Variants in PMEPA1 observed in about 807,000 individuals in gnomAD.
The protein encoded by PMEPA1 is prostate transmembrane protein, androgen induced 1.
PMEPA1 carries 11 observed loss-of-function variants against 23.0 expected under a neutral mutation model. The observed-to-expected ratio is 0.48, with a 90% CI of 0.30 to 0.79. The LOEUF (loss-of-function observed/expected upper bound fraction) is 0.79. Ranked by LOEUF, PMEPA1 falls within the 30% of genes least tolerant of loss-of-function variation. The pLI is 0.06. For synonymous variants in PMEPA1, 204 were observed against 166.4 expected, an observed-to-expected ratio of 1.23 and a Z score of -1.74; for missense variants, 377 against 390.9, an observed-to-expected ratio of 0.96 and a Z score of 0.30.
At chr20:57,703,822 C>T (rs1399694320) in intron 1 of PMEPA1, among the ~76,000 whole-genome samples, 1 of 152,150 alleles carries the variant, frequency 6.6e-6, no homozygotes, top group Admixed American at 6.5e-5. Flanking sequence ...CCAATCCGCC[C>T]CACCATCATC....
chr20:57,659,501 T>C, intron 2 of PMEPA1, 42 bp downstream of exon 2: 1 of 1,598,780 alleles, frequency 6.3e-7, no homozygotes, highest in Non-Finnish European at 8.6e-7. Context: ...GGCGTCCCAC[T>C]GCCGCACCCT....
Position 57,709,864 on chromosome 20 carries a change from G to C in PMEPA1, c.-282C>G. ...GGAAAATGGGCTGGCAGCGGGGCGCGCGCTGCCGCCGGGGCTGAGCCTCTG... is the reference window on the plus strand; with the variant it reads ...GGAAAATGGGCTGGCAGCGGGGCGCCCGCTGCCGCCGGGGCTGAGCCTCTG... On this transcript the variant is annotated 5_prime_UTR_variant, in exon 1 of 4. Transcript: ENST00000341744. 3.0e-6 allele frequency: 3 copies of C among 992,022 alleles called. No homozygotes were observed. Among genetic ancestry groups the C allele is most frequent in the Non-Finnish European group, 1.2e-6 (1 of 835,414 alleles). The allele number at this position is 992,022 out of a possible 1,614,324, so 61.5% of individuals were successfully genotyped here. A position where few individuals can be genotyped will look rare whatever the true frequency, so the allele number is the denominator to read the frequency against.
intron 1 of PMEPA1, among the ~76,000 whole-genome samples, chr20:57,705,664 G>A (rs1373572002): frequency 6.6e-6 from 1 of 152,210 alleles, no homozygotes; most frequent in Non-Finnish European, 1.5e-5. Context: ...AGGGACGAAC[G>A]TCTGACGGGA....
intron 1 of PMEPA1, among the ~76,000 whole-genome samples, chr20:57,677,303 C>A (rs1014981420): frequency 6.6e-6 from 1 of 152,126 alleles, no homozygotes; most frequent in Non-Finnish European, 1.5e-5. Context: ...GTTTGAGGAT[C>A]GTAAAGAACC....
chr20:57,676,401 G>C (rs2071636737), intron 1 of PMEPA1, among the ~76,000 whole-genome samples: 1 of 152,240 alleles, frequency 6.6e-6, no homozygotes, highest in Non-Finnish European at 1.5e-5. Flanking sequence ...ACATGGCAAA[G>C]CAGGCATCAT....
chr20:57,692,256 G>A (rs1355157072), intron 1 of PMEPA1, among the ~76,000 whole-genome samples: 8 of 152,218 alleles, frequency 5.3e-5, no homozygotes, highest in East Asian at 1.9e-4. Flanking sequence ...TAGAGGAGAC[G>A]CAACCCCGAG....
At chr20:57,711,335 C>T (rs2072178109), upstream of PMEPA1, 1 of 152,174 alleles carries the variant, frequency 6.6e-6, no homozygotes, top group Non-Finnish European at 1.5e-5. Flanking sequence ...TAGACCAGAG[C>T]GAATTCATCC....
chr20:57,671,049 G>C (rs2071561503), intron 1 of PMEPA1, among the ~76,000 whole-genome samples: 1 of 152,178 alleles, frequency 6.6e-6, no homozygotes, highest in Non-Finnish European at 1.5e-5. Flanking sequence ...AATCATTTTA[G>C]AACCTGATGA....
chr20:57,672,081 TA>T lies in PMEPA1; in HGVS notation c.110-12385del, dbSNP rs200993099. Reference sequence around the variant, plus strand: ...TTAAATTGTTCATGATGACTTCTTCTAGATGAAGGGGCTATCCCTTTTACTT... The same window carrying T: ...TTAAATTGTTCATGATGACTTCTTCTGATGAAGGGGCTATCCCTTTTACTT... On this transcript the variant is annotated intron_variant, in intron 1 of 3. Transcript: ENST00000341744. Among the ~76,000 whole-genome samples, 599 of 152,400 alleles carry T rather than the reference TA, an allele frequency of 3.9e-3. 3 individuals are homozygous for T. Among genetic ancestry groups the T allele is most frequent in the African/African-American group, 0.014 (585 of 41,600 alleles).
intron 1 of PMEPA1, among the ~76,000 whole-genome samples, chr20:57,684,276 C>T (rs779207171): frequency 7.0e-6 from 1 of 141,852 alleles, no homozygotes; most frequent in African/African-American, 2.6e-5. Flanking sequence ...GGGTGGGGGT[C>T]GGGGAGTTAG....
chr20:57,659,390 G>C (rs1256649945), intron 2 of PMEPA1, among the ~76,000 whole-genome samples, 153 bp downstream of exon 2: 1 of 152,216 alleles, frequency 6.6e-6, no homozygotes, highest in Non-Finnish European at 1.5e-5. Flanking sequence ...CATTTCAGGG[G>C]AGGAAGCTGC....
chr20:57,651,394 G>A lies in PMEPA1; in HGVS notation c.*659C>T, dbSNP rs1312157202. Reference sequence around the variant, plus strand: ...TAAAGTCTCAACAGACACAAGAGAAGTTTCCATCAAGCAAGCACTGACATA... The same window carrying A: ...TAAAGTCTCAACAGACACAAGAGAAATTTCCATCAAGCAAGCACTGACATA... On this transcript the variant is annotated 3_prime_UTR_variant, in exon 4 of 4. Coordinates refer to ENST00000341744, the MANE Select transcript of PMEPA1 (RefSeq NM_020182.5). 2 of 152,790 alleles carry A rather than the reference G, an allele frequency of 1.3e-5. No homozygotes were observed. The highest frequency in any genetic ancestry group is 3.4e-3 in the Middle Eastern group (1 of 294). The allele number at this position is 152,790 out of a possible 1,614,324, so 9.5% of individuals were successfully genotyped here. A position where few individuals can be genotyped will look rare whatever the true frequency, so the allele number is the denominator to read the frequency against.
rs756888100 is a variant in PMEPA1 at position 57,648,747 on chromosome 20, G to C, written c.*3306C>G. 2 of 152,162 alleles carry C rather than the reference G, an allele frequency of 1.3e-5. No individual in the cohort carries two copies. The highest frequency in any genetic ancestry group is 2.9e-5 in the Non-Finnish European group (2 of 68,038). 9.4% of individuals were successfully genotyped at this position (152,162 alleles called of 1,614,324 possible). On this transcript the variant is annotated 3_prime_UTR_variant, in exon 4 of 4. Coordinates refer to ENST00000341744, the MANE Select transcript of PMEPA1 (RefSeq NM_020182.5). ...CTATAGTACAGCAAGATTTCAAGCA[G>C]TTTCCAGAAAAACAACAACAACGAC...
At position 57,700,110 on chromosome 20, in the gene PMEPA1, T is replaced by C. The variant is rs535874360; in HGVS notation, c.109+9364A>G. The C allele has an allele frequency of 1.5e-4, 71 of 471,454 alleles. 1 individual carries two copies. Among genetic ancestry groups the C allele is most frequent in the African/African-American group, 1.4e-3 (71 of 50,194 alleles). The allele number at this position is 471,454 out of a possible 1,614,324, so 29.2% of individuals were successfully genotyped here. A position where few individuals can be genotyped will look rare whatever the true frequency, so the allele number is the denominator to read the frequency against. ...AGCCAGTGATGGAACTGGCCCCTCC[T>C]GGAGACCTTAAGGACCAGCAGAGAC... is the stretch of plus-strand genomic sequence containing the variant. On this transcript the variant is annotated intron_variant, in intron 1 of 3. Coordinates refer to ENST00000341744, the MANE Select transcript of PMEPA1 (RefSeq NM_020182.5).
chr20:57,697,732 T>C (rs1441479702), intron 1 of PMEPA1, among the ~76,000 whole-genome samples: 2 of 152,222 alleles, frequency 1.3e-5, no homozygotes, highest in Admixed American at 1.3e-4. Context: ...CCTAGATTTA[T>C]ACGGACAGTT....
chr20:57,710,924 A>G (rs577367187), upstream of PMEPA1: 37 of 154,932 alleles, frequency 2.4e-4, no homozygotes, highest in Non-Finnish European at 4.2e-4. Flanking sequence ...TCAAAGCTTC[A>G]CTTATTTAAC....
At chr20:57,665,447 T>G (rs967963707) in intron 1 of PMEPA1, among the ~76,000 whole-genome samples, 1 of 149,596 alleles carries the variant, frequency 6.7e-6, no homozygotes, top group Non-Finnish European at 1.5e-5. Flanking sequence ...TCCTCGTGCA[T>G]CCATTGTCTG....
chr20:57,657,746 G>A (rs1169380765), intron 2 of PMEPA1, among the ~76,000 whole-genome samples: 1 of 152,214 alleles, frequency 6.6e-6, no homozygotes, highest in Non-Finnish European at 1.5e-5. Flanking sequence ...TCCGGCTAGG[G>A]ACTGTGGCCA....
intron 1 of PMEPA1, among the ~76,000 whole-genome samples, chr20:57,662,449 G>A (rs1164826393): frequency 2.0e-5 from 3 of 152,202 alleles, no homozygotes; most frequent in Non-Finnish European, 2.9e-5. Flanking sequence ...CCCAAGCCCC[G>A]AGAAGGCTTC....
Sources: allele counts gnomAD v4.1 joint callset (sites outside exome capture counted in the v4.1 genomes callset), GRCh38; gene constraint gnomAD v4.1.1; transcripts MANE v1.5; gene names NCBI Gene and HGNC (gene_info 2026-07-23, HGNC 2026-07-21).